The following PIWIL3 variants were observed in gnomAD, a reference collection of about 807,000 sequenced individuals.
PIWIL3 encodes the protein piwi like RNA-mediated gene silencing 3.
Under a neutral mutation model 109.7 loss-of-function variants are expected in PIWIL3, and 101 were observed. The ratio of observed to expected loss-of-function variants is 0.92; its 90% CI spans 0.78 to 1.09. PIWIL3 has a LOEUF of 1.09. PIWIL3 is among the 50% of genes least tolerant of loss of function. The probability of loss-of-function intolerance (pLI) is 0.00; values close to 1 mark genes in which losing one functional copy is unlikely to be tolerated. For missense variants in PIWIL3, 1,031 were observed against 1,072.6 expected (o/e 0.96, Z 0.54); for synonymous variants, 373 against 376.4 (o/e 0.99, Z 0.10).
At chr22:24,733,343 C>T (rs1923468668) in intron 14 of PIWIL3, among the ~76,000 whole-genome samples, 1 of 151,818 alleles carries the variant, frequency 6.6e-6, no homozygotes, top group Non-Finnish European at 1.5e-5. Context: ...ATAATGACAA[C>T]TTGGTCTAAG....
chr22:24,731,629 C>T (rs1272152783), intron 14 of PIWIL3, among the ~76,000 whole-genome samples: 9 of 148,106 alleles, frequency 6.1e-5, no homozygotes, highest in East Asian at 2.0e-4. Flanking sequence ...CCAGCCTGGG[C>T]GACAGAGTGA....
Position 24,728,233 on chromosome 22 carries a change from T to C in PIWIL3, c.1849A>G (p.Ile617Val), listed in dbSNP as rs1601824691. 3 of 1,614,224 alleles carry C rather than the reference T, an allele frequency of 1.9e-6. No homozygotes were observed. The highest frequency in any genetic ancestry group is 2.5e-6 in the Non-Finnish European group (3 of 1,180,040). ...ATCTTGCAATTCATCTGCTGGGCAA[T>C]CTTGGTGACGATGGTCCTTGCCTGG... The part of the protein sequence containing the change: ...KVQARTIVTK[I>V]AQQMNCKMGG... Residue 617 changes from isoleucine to valine, a missense_variant, in exon 15 of 21, where the codon ATT becomes GTT. Ile to Val is a conservative substitution (Grantham distance 29). Coordinates refer to ENST00000616349, the MANE Select transcript of PIWIL3 (RefSeq NM_001255975.1).
chr22:24,754,343 T>C (rs1924888153), intron 7 of PIWIL3, 126 bp from the exon 8 acceptor site: 2 of 703,500 alleles, frequency 2.8e-6, no homozygotes, highest in African/African-American at 3.6e-5. Flanking sequence ...TCTTAGTCTT[T>C]TGAAGGACCT....
intron 2 of PIWIL3, 28 bp from the exon 3 acceptor site, chr22:24,760,017 G>T: frequency 6.2e-7 from 1 of 1,612,970 alleles, no homozygotes. Flanking sequence ...TAGAAATAAT[G>T]AGCAGTGCCC....
intron 4 of PIWIL3, 95 bp downstream of exon 4, chr22:24,757,813 G>C: frequency 2.1e-6 from 3 of 1,401,588 alleles, no homozygotes; most frequent in Non-Finnish European, 2.9e-6. Context: ...ACTCCAGCCT[G>C]GGCGACAGAG....
chr22:24,723,999 T>C (rs762469617), intron 18 of PIWIL3, among the ~76,000 whole-genome samples: 1 of 152,118 alleles, frequency 6.6e-6, no homozygotes, highest in Non-Finnish European at 1.5e-5. Context: ...TCTATGAGTA[T>C]CTGAATTTAA....
intron 1 of PIWIL3, among the ~76,000 whole-genome samples, chr22:24,771,978 A>T (rs1926161822): frequency 6.6e-6 from 1 of 152,150 alleles, no homozygotes; most frequent in African/African-American, 2.4e-5. Context: ...ACAGGCGTTG[A>T]GTCACTGTGC....
At chr22:24,743,110 G>A (rs1924106646) in intron 12 of PIWIL3, among the ~76,000 whole-genome samples, 1 of 151,982 alleles carries the variant, frequency 6.6e-6, no homozygotes, top group Admixed American at 6.6e-5. Flanking sequence ...TATACAAATG[G>A]CCAACATGAA....
chr22:24,722,944 G>C (rs1922761209), intron 19 of PIWIL3, among the ~76,000 whole-genome samples, 186 bp downstream of exon 19: 1 of 152,144 alleles, frequency 6.6e-6, no homozygotes, highest in African/African-American at 2.4e-5. Flanking sequence ...TCGACAACCA[G>C]AAGACTCATC....
At chr22:24,729,519 G>A (rs1422289898) in intron 14 of PIWIL3, among the ~76,000 whole-genome samples, 1 of 152,176 alleles carries the variant, frequency 6.6e-6, no homozygotes, top group Admixed American at 6.5e-5. Flanking sequence ...GAAACTGCCT[G>A]ATTTTCCAAA....
At chr22:24,769,504 T>A (rs1182037056) in intron 1 of PIWIL3, among the ~76,000 whole-genome samples, 4 of 151,930 alleles carry the variant, frequency 2.6e-5, no homozygotes, top group African/African-American at 9.7e-5. Flanking sequence ...CCCAGCTACT[T>A]GGGAGGCTGA....
Position 24,725,512 on chromosome 22 carries a change from C to A in PIWIL3, c.2013G>T (p.Trp671Cys). Reference protein sequence around the residue: ...VASTNAELTKWYSQCVIQKTG... With the variant: ...VASTNAELTKCYSQCVIQKTG... ...TTTTCTGGATGACACATTGAGAGTA[C>A]CACCTGTTCACAGAAAAACCACCAG... The change falls in exon 17 of 21, where the codon TGG becomes TGT. Residue 671 changes from tryptophan to cysteine, a missense_variant. Transcript: ENST00000616349. 6.2e-7 allele frequency: 1 copy of A among 1,614,004 alleles called. No homozygotes were observed. The highest frequency in any genetic ancestry group is 1.1e-5 in the South Asian group (1 of 91,080).
At chr22:24,719,977 T>C (rs1922565430) in intron 19 of PIWIL3, 82 bp from the exon 20 acceptor site, 2 of 1,204,648 alleles carry the variant, frequency 1.7e-6, no homozygotes, top group East Asian at 5.0e-5. Flanking sequence ...TGAAAACATT[T>C]AGTATAATTG....
intron 14 of PIWIL3, among the ~76,000 whole-genome samples, chr22:24,730,860 C>T (rs577514212): frequency 1.3e-5 from 2 of 152,072 alleles, no homozygotes; most frequent in Non-Finnish European, 2.9e-5. Context: ...TGCAAAGTGA[C>T]TTTTTTTATT....
At chr22:24,733,159 A>C (rs748559255) in intron 14 of PIWIL3, among the ~76,000 whole-genome samples, 1 of 152,222 alleles carries the variant, frequency 6.6e-6, no homozygotes, top group African/African-American at 2.4e-5. Flanking sequence ...TTAAAAGAAG[A>C]AAGTCTAGGC....
At chr22:24,747,284 CT>C (rs2147690585) in intron 12 of PIWIL3, among the ~76,000 whole-genome samples, 1 of 152,188 alleles carries the variant, frequency 6.6e-6, no homozygotes, top group African/African-American at 2.4e-5. Context: ...ATCCCTATCT[CT>C]CACCATATAT....
Position 24,751,487 on chromosome 22 carries a change from T to TA in PIWIL3, c.988_989insT (p.Lys330IlefsTer7). The TA allele has an allele frequency of 1.2e-6, 2 of 1,611,078 alleles. No individual in the cohort carries two copies. Among genetic ancestry groups the TA allele is most frequent in the Non-Finnish European group, 1.7e-6 (2 of 1,179,322 alleles). On this transcript the variant is annotated frameshift_variant, in exon 9 of 21. Transcript: ENST00000616349. LOFTEE classifies it high-confidence loss of function. ...ATCAATATCATCTACTCTGTAGGTT[T>TA]TGTTGTTGTATCTGTGGAATAATTA...
chr22:24,768,923 T>C (rs190442275), intron 1 of PIWIL3, among the ~76,000 whole-genome samples: 1 of 152,208 alleles, frequency 6.6e-6, no homozygotes, highest in Non-Finnish European at 1.5e-5. Context: ...AGGTTTCCTC[T>C]TCACCATCTG....
chr22:24,738,025 G>C (rs1009428749), intron 12 of PIWIL3, among the ~76,000 whole-genome samples: 2 of 152,076 alleles, frequency 1.3e-5, no homozygotes, highest in African/African-American at 4.8e-5. Flanking sequence ...GGTGGTGGGC[G>C]CTGTAATCCC....
Sources: gnomAD v4.1 joint callset for allele counts (sites outside exome capture counted in the v4.1 genomes callset) on GRCh38, gnomAD v4.1.1 for gene constraint, MANE v1.5 for transcripts, NCBI Gene and HGNC (gene_info 2026-07-23, HGNC 2026-07-21) for gene names.